The following CSMD1 variants were observed in gnomAD, a reference collection of about 807,000 sequenced individuals.
CSMD1 encodes the protein CUB and sushi domain-containing protein 1.
In CSMD1, 213 loss-of-function variants were observed where a neutral mutation model predicts 417.5. That is an observed-to-expected ratio of 0.51 (90% CI 0.46 to 0.57). CSMD1 has a LOEUF of 0.57. CSMD1 is among the 20% of genes least tolerant of loss of function. The pLI is 0.00. For synonymous variants in CSMD1, 2,862 were observed against 1,736.8 expected, an observed-to-expected ratio of 1.65 and a Z score of -16.11; for missense variants, 6,923 against 4,529.7, an observed-to-expected ratio of 1.53 and a Z score of -15.17.
chr8:3,452,621 A>G (rs1348783635), intron 12 of CSMD1, among the ~76,000 whole-genome samples: 1 of 152,178 alleles, frequency 6.6e-6, no homozygotes, highest in Non-Finnish European at 1.5e-5. Context: ...GATTATGTTA[A>G]TTGATTTGGG....
intron 1 of CSMD1, among the ~76,000 whole-genome samples, chr8:4,676,034 T>C (rs893773050): frequency 6.6e-6 from 1 of 152,234 alleles, no homozygotes; most frequent in Non-Finnish European, 1.5e-5. Flanking sequence ...AAGCAAATTA[T>C]TCACTTTTAT....
At chr8:4,271,377 A>G (rs1585133311) in intron 3 of CSMD1, among the ~76,000 whole-genome samples, 1 of 152,114 alleles carries the variant, frequency 6.6e-6, no homozygotes, top group East Asian at 1.9e-4. Context: ...ATAAATAAAT[A>G]AAAGTTTAAA....
At chr8:3,113,932 A>T (rs1816693726) in intron 42 of CSMD1, among the ~76,000 whole-genome samples, 1 of 152,164 alleles carries the variant, frequency 6.6e-6, no homozygotes, top group Non-Finnish European at 1.5e-5. Context: ...TTAAAATTAA[A>T]ACAGGCTGGC....
At chr8:3,711,332 G>C (rs772095117) in intron 6 of CSMD1, among the ~76,000 whole-genome samples, 2 of 152,154 alleles carry the variant, frequency 1.3e-5, no homozygotes, top group Non-Finnish European at 2.9e-5. Context: ...GAGGAGGTGG[G>C]CCACCCAGAT....
At chr8:3,967,996 T>G (rs1396727001) in intron 5 of CSMD1, among the ~76,000 whole-genome samples, 1 of 109,256 alleles carries the variant, frequency 9.2e-6, no homozygotes. Context: ...TGAAACCCCG[T>G]CACTGCTTAA....
At position 3,045,834 on chromosome 8, in the gene CSMD1, T is replaced by C. The variant is rs192060750; in HGVS notation, c.7660+6628A>G. ...CATGCCTTCTTTTGGTTTTCCTCTA[T>C]ACAATATGGTGATAATGAAATTACA... On this transcript the variant is annotated intron_variant, in intron 50 of 69. Coordinates refer to ENST00000635120, the MANE Select transcript of CSMD1 (RefSeq NM_033225.6). 1.3e-3 allele frequency among the ~76,000 whole-genome samples: 203 copies of C among 152,300 alleles called. 1 individual carries two copies. Among genetic ancestry groups the C allele is most frequent in the African/African-American group, 4.5e-3 (189 of 41,568 alleles).
intron 25 of CSMD1, among the ~76,000 whole-genome samples, chr8:3,285,674 C>G (rs534448672): frequency 3.0e-4 from 45 of 152,196 alleles, no homozygotes; most frequent in Non-Finnish European, 5.9e-4. Flanking sequence ...GCTGTGATTA[C>G]AGGCATGAGC....
intron 10 of CSMD1, among the ~76,000 whole-genome samples, chr8:3,554,688 C>T (rs910479917): frequency 1.3e-5 from 2 of 152,132 alleles, no homozygotes; most frequent in Non-Finnish European, 2.9e-5. Flanking sequence ...AGTTTTTTTT[C>T]TCAGCCTGGC....
intron 1 of CSMD1, among the ~76,000 whole-genome samples, chr8:4,761,318 CAA>C (rs1186697876): frequency 1.1e-4 from 17 of 151,724 alleles, no homozygotes; most frequent in Admixed American, 3.3e-4. Context: ...CTAATGGAAA[CAA>C]AATGTAAAAG....
chr8:4,736,244 A>G (rs1384461761), intron 1 of CSMD1, among the ~76,000 whole-genome samples: 1 of 152,180 alleles, frequency 6.6e-6, no homozygotes, highest in Non-Finnish European at 1.5e-5. Flanking sequence ...AAAGAGACGT[A>G]AAAGTTCTCA....
At chr8:4,139,606 A>C (rs1351096327) in intron 3 of CSMD1, among the ~76,000 whole-genome samples, 2 of 151,240 alleles carry the variant, frequency 1.3e-5, no homozygotes, top group African/African-American at 2.5e-5. Context: ...CAAGGGGACA[A>C]GGAGCAGAGG....
At chr8:3,561,105 A>G (rs1313381503) in intron 10 of CSMD1, among the ~76,000 whole-genome samples, 1 of 152,198 alleles carries the variant, frequency 6.6e-6, no homozygotes, top group Non-Finnish European at 1.5e-5. Context: ...GCCACCTCAC[A>G]CCAGTCAGCA....
chr8:3,036,905 C>A (rs1257658667), intron 50 of CSMD1, among the ~76,000 whole-genome samples: 1 of 152,094 alleles, frequency 6.6e-6, no homozygotes, highest in African/African-American at 2.4e-5. Flanking sequence ...TCTGGGATTT[C>A]AGTGCACCTG....
intron 10 of CSMD1, among the ~76,000 whole-genome samples, chr8:3,536,984 G>T (rs770044295): frequency 3.3e-5 from 5 of 152,032 alleles, no homozygotes; most frequent in African/African-American, 1.2e-4. Flanking sequence ...GCAACAATAG[G>T]TCAAACTCTT....
At chr8:4,307,011 C>A (rs374960231) in intron 3 of CSMD1, among the ~76,000 whole-genome samples, 21 of 152,096 alleles carry the variant, frequency 1.4e-4, no homozygotes, top group Non-Finnish European at 2.8e-4. Context: ...GGTTCAGCCC[C>A]TCTTCGTCGC....
intron 3 of CSMD1, among the ~76,000 whole-genome samples, chr8:4,188,237 C>T (rs1345569796): frequency 6.6e-6 from 1 of 151,996 alleles, no homozygotes; most frequent in East Asian, 1.9e-4. Context: ...CTCTGAGGAC[C>T]CAGAAAACAG....
intron 3 of CSMD1, among the ~76,000 whole-genome samples, chr8:4,096,029 G>A (rs915811194): frequency 1.2e-4 from 18 of 150,158 alleles, no homozygotes; most frequent in African/African-American, 3.8e-4. Flanking sequence ...TAATTCATGG[G>A]TATAATGTGT....
intron 1 of CSMD1, among the ~76,000 whole-genome samples, chr8:4,814,366 C>G (rs1009222702): frequency 6.6e-6 from 1 of 152,194 alleles, no homozygotes; most frequent in Non-Finnish European, 1.5e-5. Flanking sequence ...CTGCCTCAGT[C>G]TCCCGAGTAG....
chr8:4,586,775 G>C (rs2617074), intron 2 of CSMD1, among the ~76,000 whole-genome samples: 1 of 152,000 alleles, frequency 6.6e-6, no homozygotes, highest in South Asian at 2.1e-4. Flanking sequence ...GGCACTTTCT[G>C]TGCTCCTCCA....
Sources: gnomAD v4.1 joint callset for allele counts (sites outside exome capture counted in the v4.1 genomes callset) on GRCh38, gnomAD v4.1.1 for gene constraint, MANE v1.5 for transcripts, NCBI Gene and HGNC (gene_info 2026-07-23, HGNC 2026-07-21) for gene names.